The following SH3GL3 variants were observed in gnomAD, a reference collection of about 807,000 sequenced individuals.
The protein encoded by SH3GL3 is endophilin-A3.
In SH3GL3, 33 loss-of-function variants were observed where a neutral mutation model predicts 47.7. The ratio of observed to expected loss-of-function variants is 0.69; its 90% CI spans 0.52 to 0.92. The LOEUF (loss-of-function observed/expected upper bound fraction) is 0.92. SH3GL3 is among the 40% of genes least tolerant of loss of function. The pLI is 0.00. For synonymous variants in SH3GL3, 155 were observed against 148.8 expected (o/e 1.04, Z -0.30); for missense variants, 363 against 417.8 (o/e 0.87, Z 1.14).
At chr15:83,614,871 T>TCACCTCTC (rs1012296464) in intron 8 of SH3GL3, among the ~76,000 whole-genome samples, 68 of 152,266 alleles carry the variant, frequency 4.5e-4, no homozygotes, top group African/African-American at 1.6e-3. Context: ...CATAATGCTG[T>TCACCTCTC]CACCTCTCTA....
At chr15:83,616,420 A>AT (rs1213321539) in intron 8 of SH3GL3, among the ~76,000 whole-genome samples, 1 of 151,648 alleles carries the variant, frequency 6.6e-6, no homozygotes. Flanking sequence ...CGCCCGGCTA[A>AT]TTTTTTTGTA....
chr15:83,583,137 G>C (rs1203700917), intron 6 of SH3GL3, among the ~76,000 whole-genome samples: 1 of 152,224 alleles, frequency 6.6e-6, no homozygotes, highest in Non-Finnish European at 1.5e-5. Context: ...AGAATGGCTT[G>C]TCGTCTTTTG....
intron 1 of SH3GL3, among the ~76,000 whole-genome samples, chr15:83,527,026 G>A (rs1190447585): frequency 1.3e-5 from 2 of 152,088 alleles, no homozygotes; most frequent in African/African-American, 4.8e-5. Flanking sequence ...TATTATAGGC[G>A]TAAAGAAATG....
chr15:83,546,877 C>A (rs1437118519), intron 1 of SH3GL3, among the ~76,000 whole-genome samples: 2 of 152,118 alleles, frequency 1.3e-5, no homozygotes, highest in Non-Finnish European at 2.9e-5. Context: ...GTCTTTAGGA[C>A]TTTGCTTGGT....
At chr15:83,461,312 A>G (rs756155795) in intron 1 of SH3GL3, among the ~76,000 whole-genome samples, 3 of 152,194 alleles carry the variant, frequency 2.0e-5, no homozygotes, top group African/African-American at 7.2e-5. Flanking sequence ...ATTAAGTACA[A>G]ATTTCCAAAA....
chr15:83,473,596 G>A (rs2040941998), intron 1 of SH3GL3, among the ~76,000 whole-genome samples: 2 of 150,882 alleles, frequency 1.3e-5, no homozygotes, highest in African/African-American at 4.9e-5. Context: ...CGCCCAGGTT[G>A]GAGTGCAGTG....
chr15:83,506,986 A>G, intron 1 of SH3GL3, among the ~76,000 whole-genome samples: 1 of 149,854 alleles, frequency 6.7e-6, no homozygotes. Context: ...GTTGTTACTG[A>G]GGTTTGAAAC....
chr15:83,596,030 A>G (rs1408246565), intron 8 of SH3GL3, among the ~76,000 whole-genome samples: 4 of 152,016 alleles, frequency 2.6e-5, no homozygotes, highest in African/African-American at 9.7e-5. Flanking sequence ...CCCCCTAAGT[A>G]CCACTTGAGC....
At chr15:83,496,457 C>T (rs574691509) in intron 1 of SH3GL3, among the ~76,000 whole-genome samples, 4 of 151,786 alleles carry the variant, frequency 2.6e-5, no homozygotes, top group Non-Finnish European at 4.4e-5. Context: ...CTTGTGATAA[C>T]CATTTGGAGT....
chr15:83,522,335 A>G (rs2043241924), intron 1 of SH3GL3, among the ~76,000 whole-genome samples: 1 of 152,160 alleles, frequency 6.6e-6, no homozygotes, highest in South Asian at 2.1e-4. Flanking sequence ...CTTTGGTATT[A>G]TTTGCACTGT....
At chr15:83,594,465 A>G (rs565978087) in intron 8 of SH3GL3, among the ~76,000 whole-genome samples, 8 of 152,314 alleles carry the variant, frequency 5.3e-5, no homozygotes, top group African/African-American at 1.9e-4. Context: ...TGGCACATTT[A>G]CTTTATATAA....
intron 1 of SH3GL3, among the ~76,000 whole-genome samples, chr15:83,510,622 A>G (rs960884478): frequency 3.3e-5 from 5 of 152,192 alleles, no homozygotes; most frequent in African/African-American, 1.2e-4. Flanking sequence ...TACAATGTAA[A>G]TAACAGTCAT....
At chr15:83,551,139 A>T (rs1380676482) in intron 1 of SH3GL3, among the ~76,000 whole-genome samples, 1 of 152,152 alleles carries the variant, frequency 6.6e-6, no homozygotes, top group Admixed American at 6.6e-5. Context: ...TTCTTTTATA[A>T]TTTGTCACTG....
intron 1 of SH3GL3, among the ~76,000 whole-genome samples, chr15:83,495,326 T>C (rs1476599650): frequency 2.6e-5 from 4 of 152,186 alleles, no homozygotes; most frequent in Non-Finnish European, 5.9e-5. Context: ...TGGTATTCCT[T>C]CACTGAAGGC....
At chr15:83,571,952 C>T (rs1349528634) in intron 4 of SH3GL3, among the ~76,000 whole-genome samples, 3 of 152,074 alleles carry the variant, frequency 2.0e-5, no homozygotes, top group South Asian at 2.1e-4. Flanking sequence ...TGCCACTACC[C>T]GAGCCAGGAA....
intron 3 of SH3GL3, among the ~76,000 whole-genome samples, chr15:83,566,154 T>C (rs985595670): frequency 6.6e-6 from 1 of 152,130 alleles, no homozygotes; most frequent in African/African-American, 2.4e-5. Context: ...AGACAGATAC[T>C]TCACCCTCAA....
At chr15:83,568,694 TGGGGG>T in intron 4 of SH3GL3, 22 bp downstream of exon 4, 1 of 1,604,486 alleles carries the variant, frequency 6.2e-7, no homozygotes, top group African/African-American at 1.3e-5. Flanking sequence ...AGAGATCAGC[TGGGGG>T]AGCTGAGAAC....
chr15:83,460,794 C>T lies in SH3GL3; in HGVS notation c.45+13216C>T, dbSNP rs537545054. On this transcript the variant is annotated intron_variant, in intron 1 of 8. Transcript: ENST00000427482. ...TGATTCTGGTTGTTATCTTAAAATA[C>T]GGTACACAGGCCGGGTGCGGTGGCT... is the stretch of plus-strand genomic sequence containing the variant. Among the ~76,000 whole-genome samples the T allele has an allele frequency of 1.2e-4, 18 of 152,128 alleles. No homozygotes were observed. In the South Asian group the frequency reaches 1.2e-3, roughly 11 times the overall value.
chr15:83,520,148 A>G (rs146062114), intron 1 of SH3GL3, among the ~76,000 whole-genome samples: 28 of 151,754 alleles, frequency 1.8e-4, no homozygotes, highest in African/African-American at 5.8e-4. Context: ...AGAGGTGAGG[A>G]GCCCTGAGGC....
Sources: gnomAD v4.1 joint callset for allele counts (sites outside exome capture counted in the v4.1 genomes callset) on GRCh38, gnomAD v4.1.1 for gene constraint, MANE v1.5 for transcripts, NCBI Gene and HGNC (gene_info 2026-07-23, HGNC 2026-07-21) for gene names.